Variants in NRG4 observed in about 807,000 individuals in gnomAD.
NRG4 encodes neuregulin 4, also known as pro-neuregulin-4, membrane-bound isoform.
NRG4 carries 10 observed loss-of-function variants against 15.0 expected under a neutral mutation model. The ratio of observed to expected loss-of-function variants is 0.67; its 90% confidence interval spans 0.41 to 1.13. The LOEUF (loss-of-function observed/expected upper bound fraction) is 1.13, where lower values mean the gene tolerates loss of function less well. Ranked by LOEUF, NRG4 falls within the 50% of genes most tolerant of loss-of-function variation. The pLI, the probability that NRG4 is intolerant of heterozygous loss-of-function variation, is 0.00. For synonymous variants in NRG4, 41 were observed against 50.1 expected (o/e 0.82, Z 0.77); for missense variants, 139 against 140.2 (o/e 0.99, Z 0.04).
intron 3 of NRG4, among the ~76,000 whole-genome samples, chr15:75,975,583 G>T (rs990397075): frequency 2.6e-5 from 4 of 152,144 alleles, no homozygotes; most frequent in African/African-American, 9.7e-5. Context: ...GTCTGTAAAG[G>T]ATTTTATTTC....
intron 5 of NRG4, among the ~76,000 whole-genome samples, chr15:76,019,231 C>T (rs1281832466): frequency 1.3e-5 from 2 of 152,148 alleles, no homozygotes; most frequent in African/African-American, 2.4e-5. Context: ...GTGCTGGCAG[C>T]GAGAATTTCA....
At chr15:76,016,940 C>T (rs1228396112), upstream of NRG4, among the ~76,000 whole-genome samples, 11 of 151,946 alleles carry the variant, frequency 7.2e-5, no homozygotes, top group Middle Eastern at 3.2e-3. Flanking sequence ...AAGTTTCCCA[C>T]TATTATTGTG....
chr15:75,956,808 A>G (rs1479718602), intron 4 of NRG4, among the ~76,000 whole-genome samples: 1 of 152,192 alleles, frequency 6.6e-6, no homozygotes. Flanking sequence ...ACCAAAAACT[A>G]TTACAGAAAA....
intron 4 of NRG4, among the ~76,000 whole-genome samples, chr15:76,044,941 C>A (rs1309430519): frequency 6.7e-6 from 1 of 149,736 alleles, no homozygotes; most frequent in South Asian, 2.1e-4. Context: ...AAGGTTTCTA[C>A]ACAGCAAAGG....
downstream of NRG4, chr15:75,940,759 AT>A (rs2030872661): frequency 2.4e-5 from 3 of 127,590 alleles, no homozygotes; most frequent in Admixed American, 8.6e-5. Flanking sequence ...ACAAATAATG[AT>A]GGGAAAGCTG....
intron 3 of NRG4, among the ~76,000 whole-genome samples, chr15:75,984,100 T>C (rs1567091163): frequency 6.6e-6 from 1 of 152,110 alleles, no homozygotes; most frequent in Non-Finnish European, 1.5e-5. Context: ...AAATACCTGG[T>C]ATGATAGTAT....
intron 3 of NRG4, among the ~76,000 whole-genome samples, chr15:75,995,308 A>T (rs775455017): frequency 6.6e-6 from 1 of 152,154 alleles, no homozygotes; most frequent in Non-Finnish European, 1.5e-5. Flanking sequence ...AGCACTCAGG[A>T]AGTGTACAAT....
At chr15:75,943,983 T>C (rs1455298594) in intron 5 of NRG4, among the ~76,000 whole-genome samples, 1 of 151,912 alleles carries the variant, frequency 6.6e-6, no homozygotes, top group East Asian at 1.9e-4. Flanking sequence ...GTCTTAGATA[T>C]ACAAGTTAGA....
chr15:76,044,805 C>T (rs2035830973), intron 4 of NRG4, among the ~76,000 whole-genome samples: 1 of 146,246 alleles, frequency 6.8e-6, no homozygotes, highest in South Asian at 2.1e-4. Context: ...CATACCACTG[C>T]ACTCCAACCT....
rs2031191155 is a variant in NRG4, at chr15:75,943,358, GTTGC to G, written c.*276_*279del. 2.5e-6 allele frequency: 1 copy of G among 404,088 alleles called. No individual in the cohort carries two copies. Among genetic ancestry groups the G allele is most frequent in the South Asian group, 5.4e-5 (1 of 18,602 alleles). The allele number at this position is 404,088 out of a possible 1,614,324, so 25.0% of individuals were successfully genotyped here. ...CTAGGTGTGTGAACATTTGCCTCTG[GTTGC>G]TTCAGCACATCAGCTTTCTGGGGAG... is the stretch of plus-strand genomic sequence containing the variant. On this transcript the variant is annotated 3_prime_UTR_variant, in exon 6 of 6. Transcript: ENST00000394907.
intron 5 of NRG4, among the ~76,000 whole-genome samples, chr15:75,946,405 T>TG (rs1157710520): frequency 2.0e-5 from 3 of 152,242 alleles, no homozygotes; most frequent in African/African-American, 2.4e-5. Context: ...TCGCCCAGGC[T>TG]GGAGTGCAGT....
Position 75,941,903 on chromosome 15 carries a change from C to CT in NRG4, c.*1734dup, listed in dbSNP as rs756435110. ...ACTTCAAAATGGTTAAAATTTAAAT[C>CT]TTACGTACATTTTGCCACAGTAAAT... On this transcript the variant is annotated 3_prime_UTR_variant, in exon 6 of 6. Coordinates refer to ENST00000394907, the MANE Select transcript of NRG4 (RefSeq NM_138573.4). 8.4e-6 allele frequency: 1 copy of CT among 118,474 alleles called. No homozygotes were observed. Among genetic ancestry groups the CT allele is most frequent in the Non-Finnish European group, 1.6e-5 (1 of 61,580 alleles). 7.3% of individuals were successfully genotyped at this position (118,474 alleles called of 1,614,324 possible).
chr15:76,009,495 C>T (rs986901987), intron 2 of NRG4, among the ~76,000 whole-genome samples: 2 of 151,904 alleles, frequency 1.3e-5, no homozygotes, highest in Non-Finnish European at 2.9e-5. Context: ...AAATTATGTC[C>T]TAAAGATATG....
At chr15:75,993,586 C>T (rs2141876855) in intron 3 of NRG4, among the ~76,000 whole-genome samples, 1 of 151,734 alleles carries the variant, frequency 6.6e-6, no homozygotes, top group Middle Eastern at 3.4e-3. Context: ...CCAGCTACAG[C>T]TACTCAGGAA....
chr15:75,989,016 C>T (rs1259541236), intron 3 of NRG4, among the ~76,000 whole-genome samples: 2 of 151,922 alleles, frequency 1.3e-5, no homozygotes, highest in Admixed American at 1.3e-4. Flanking sequence ...GCCATCATGC[C>T]CAGCTAATTT....
intron 3 of NRG4, among the ~76,000 whole-genome samples, chr15:75,973,001 G>T (rs949281246): frequency 6.6e-6 from 1 of 152,178 alleles, no homozygotes; most frequent in African/African-American, 2.4e-5. Flanking sequence ...TCCTATCCAT[G>T]AGCATGGAAT....
intron 5 of NRG4, among the ~76,000 whole-genome samples, chr15:76,021,803 GTAGAAAACCTA>G (rs2035162358): frequency 6.6e-6 from 1 of 152,146 alleles, no homozygotes; most frequent in Non-Finnish European, 1.5e-5. Flanking sequence ...TGATTCCAAA[GTAGAAAACCTA>G]TAGATTTTCA....
chr15:75,945,934 A>G (rs565723017), intron 5 of NRG4: 38 of 152,354 alleles, frequency 2.5e-4, no homozygotes, highest in African/African-American at 8.4e-4. Context: ...AAGATTAGCA[A>G]TAACTAATAA....
chr15:76,058,981 G>A (rs2036224509), intron 1 of NRG4, among the ~76,000 whole-genome samples: 1 of 152,020 alleles, frequency 6.6e-6, no homozygotes. Flanking sequence ...TAACCCACCC[G>A]GTAACTGGCA....
Sources: gnomAD v4.1 joint callset for allele counts (sites outside exome capture counted in the v4.1 genomes callset) on GRCh38, gnomAD v4.1.1 for gene constraint, MANE v1.5 for transcripts, NCBI Gene and HGNC (gene_info 2026-07-23, HGNC 2026-07-21) for gene names.